The following FMN2 variants were observed in gnomAD, a reference collection of about 807,000 sequenced individuals.
FMN2 encodes formin 2.
In FMN2, 51 loss-of-function variants were observed where a neutral mutation model predicts 142.3. That is an observed-to-expected ratio of 0.36 (90% CI 0.29 to 0.45). FMN2 has a LOEUF of 0.45. FMN2 is among the 20% of genes least tolerant of loss of function. The pLI is 1.00. For missense variants in FMN2, 1,936 were observed against 2,122.8 expected, an observed-to-expected ratio of 0.91 and a Z score of 1.73; for synonymous variants, 882 against 869.8, an observed-to-expected ratio of 1.01 and a Z score of -0.25.
chr1:240,123,875 A>G (rs924308544), intron 2 of FMN2, among the ~76,000 whole-genome samples: 4 of 152,182 alleles, frequency 2.6e-5, no homozygotes, highest in Non-Finnish European at 5.9e-5. Context: ...TTCTGTCTCT[A>G]TGAATCTGAC....
At chr1:240,341,911 T>C (rs1671758245) in intron 13 of FMN2, among the ~76,000 whole-genome samples, 1 of 152,226 alleles carries the variant, frequency 6.6e-6, no homozygotes, top group South Asian at 2.1e-4. Context: ...GCATGTGGGC[T>C]ACAGCCCTAG....
At chr1:240,271,432 T>TTTA (rs1669010815) in intron 7 of FMN2, among the ~76,000 whole-genome samples, 1 of 151,314 alleles carries the variant, frequency 6.6e-6, no homozygotes, top group African/African-American at 2.4e-5. Flanking sequence ...TTTTTTTTTT[T>TTTA]AATGAAACTC....
chr1:240,246,692 G>A (rs143845579), intron 6 of FMN2, among the ~76,000 whole-genome samples: 5 of 152,258 alleles, frequency 3.3e-5, no homozygotes, highest in Middle Eastern at 3.4e-3. Flanking sequence ...TACACATGAA[G>A]TTTGAGAAAT....
At chr1:240,136,751 C>T (rs1435044841) in intron 2 of FMN2, among the ~76,000 whole-genome samples, 1 of 151,996 alleles carries the variant, frequency 6.6e-6, no homozygotes, top group South Asian at 2.1e-4. Flanking sequence ...CCTCCTTTTC[C>T]TTTTCTCAAG....
chr1:240,190,103 A>G (rs1474790302), intron 4 of FMN2, among the ~76,000 whole-genome samples: 3 of 152,234 alleles, frequency 2.0e-5, no homozygotes, highest in Non-Finnish European at 4.4e-5. Flanking sequence ...GTGTAACATT[A>G]TAGTGTTTTT....
intron 6 of FMN2, among the ~76,000 whole-genome samples, chr1:240,248,401 T>C (rs1374070844): frequency 6.8e-6 from 1 of 147,654 alleles, no homozygotes; most frequent in Non-Finnish European, 1.5e-5. Context: ...ATACATGTTA[T>C]TGGATACATT....
intron 4 of FMN2, among the ~76,000 whole-genome samples, chr1:240,189,437 T>C (rs554942213): frequency 6.6e-6 from 1 of 152,326 alleles, no homozygotes; most frequent in African/African-American, 2.4e-5. Flanking sequence ...AAGCTTAGAT[T>C]ACCTGGGACA....
At chr1:240,266,368 C>T (rs1011900461) in intron 7 of FMN2, among the ~76,000 whole-genome samples, 9 of 151,940 alleles carry the variant, frequency 5.9e-5, no homozygotes, top group Non-Finnish European at 1.3e-4. Context: ...GTCCTTTCCC[C>T]ATTGCTTATT....
In FMN2 at chr1:240,333,800, A is replaced by G. The variant is rs2103018493; in HGVS notation, c.4585-87A>G. 2.9e-6 allele frequency: 3 copies of G among 1,023,978 alleles called. No individual in the cohort carries two copies. In the South Asian group the frequency reaches 5.2e-5, roughly 18 times the overall value. 63.4% of individuals were successfully genotyped at this position (1,023,978 alleles called of 1,614,324 possible). ...ATTCCAAATGTTCTCATGTATATACATGAATTCACTAGAATCTTTTTTGGT... is the reference window on the plus strand; with the variant it reads ...ATTCCAAATGTTCTCATGTATATACGTGAATTCACTAGAATCTTTTTTGGT... On this transcript the variant is annotated intron_variant, in intron 11 of 17. Transcript: ENST00000319653.
At chr1:240,258,855 A>G (rs375791993) in intron 7 of FMN2, among the ~76,000 whole-genome samples, 35 of 152,300 alleles carry the variant, frequency 2.3e-4, no homozygotes, top group African/African-American at 8.2e-4. Context: ...GAATTATCCA[A>G]TGGAATGCCA....
intron 14 of FMN2, among the ~76,000 whole-genome samples, chr1:240,373,503 T>G (rs1672942150): frequency 6.6e-6 from 1 of 152,206 alleles, no homozygotes; most frequent in Non-Finnish European, 1.5e-5. Flanking sequence ...AAATTTGACT[T>G]TCTAAATCTT....
At chr1:240,184,505 T>C (rs1052542501) in intron 3 of FMN2, among the ~76,000 whole-genome samples, 1 of 149,714 alleles carries the variant, frequency 6.7e-6, no homozygotes, top group Admixed American at 6.7e-5. Flanking sequence ...TGTGAGCCAT[T>C]GCGCCCGGCC....
chr1:240,091,922 G>T lies in FMN2; in HGVS notation c.-188G>T. 1 of 1,008,200 alleles carries T rather than the reference G, an allele frequency of 9.9e-7. No homozygotes were observed. Among genetic ancestry groups the T allele is most frequent in the South Asian group, 2.6e-5 (1 of 39,068 alleles). The allele number at this position is 1,008,200 out of a possible 1,614,324, so 62.5% of individuals were successfully genotyped here. A position where few individuals can be genotyped will look rare whatever the true frequency, so the allele number is the denominator to read the frequency against. On this transcript the variant is annotated 5_prime_UTR_variant, in exon 1 of 18. Coordinates refer to ENST00000319653, the MANE Select transcript of FMN2 (RefSeq NM_020066.5). ...AGCGACGGCAGCCACGGGAGCCGCC[G>T]CGCATTATGCAAAGCGGCGGCAGAT...
chr1:240,437,479 A>T (rs56023836), intron 15 of FMN2, among the ~76,000 whole-genome samples: 31,423 of 151,034 alleles, frequency 0.21, 3,718 homozygotes, highest in Middle Eastern at 0.29. Context: ...TTTCTTTGTA[A>T]TTTTAGTAGA....
At chr1:240,378,590 G>A (rs540355670) in intron 14 of FMN2, among the ~76,000 whole-genome samples, 1 of 152,294 alleles carries the variant, frequency 6.6e-6, no homozygotes, top group Admixed American at 6.5e-5. Flanking sequence ...GGACTAAAAT[G>A]ATACATTATG....
At chr1:240,330,451 G>A in intron 10 of FMN2, 152 bp from the exon 11 acceptor site, 1 of 752,020 alleles carries the variant, frequency 1.3e-6, no homozygotes, top group African/African-American at 1.8e-5. Context: ...TCAGGATACT[G>A]CTCTTAAAAT....
At chr1:240,456,755 G>A (rs1464633214) in intron 16 of FMN2, among the ~76,000 whole-genome samples, 2 of 152,098 alleles carry the variant, frequency 1.3e-5, no homozygotes, top group African/African-American at 2.4e-5. Flanking sequence ...TGCACCCGGC[G>A]GAAGAGTGCT....
chr1:240,096,650 A>T (rs1267900375), intron 1 of FMN2, among the ~76,000 whole-genome samples: 1 of 152,224 alleles, frequency 6.6e-6, no homozygotes, highest in African/African-American at 2.4e-5. Flanking sequence ...GCTGCCTTTG[A>T]AGCAGGTGAT....
chr1:240,343,116 T>C (rs752851487), intron 13 of FMN2, among the ~76,000 whole-genome samples: 5 of 152,162 alleles, frequency 3.3e-5, no homozygotes, highest in East Asian at 3.9e-4. Flanking sequence ...ATATAAAATA[T>C]TCAAACCTGA....
Sources: allele counts gnomAD v4.1 joint callset (sites outside exome capture counted in the v4.1 genomes callset), GRCh38; gene constraint gnomAD v4.1.1; transcripts MANE v1.5; gene names NCBI Gene and HGNC (gene_info 2026-07-23, HGNC 2026-07-21).